The following TRAPPC8 variants were observed in gnomAD, a reference collection of about 807,000 sequenced individuals.
The protein encoded by TRAPPC8 is general sporulation gene 1 homolog.
TRAPPC8 carries 54 observed loss-of-function variants against 174.3 expected under a neutral mutation model. That is an observed-to-expected ratio of 0.31 (90% confidence interval 0.25 to 0.39). The LOEUF is 0.39. TRAPPC8 is among the 10% of genes least tolerant of loss of function. The pLI is 1.00. For missense variants in TRAPPC8, 1,531 were observed against 1,699.1 expected (o/e 0.90, Z 1.74); for synonymous variants, 630 against 579.9 (o/e 1.09, Z -1.24).
chr18:31,909,461 A>G (rs1336607113), intron 6 of TRAPPC8: 3 of 611,458 alleles, frequency 4.9e-6, no homozygotes, highest in East Asian at 2.8e-4. Context: ...AAAGAAATCT[A>G]TACACTACTC....
At chr18:31,922,473 G>A (rs756364267) in intron 2 of TRAPPC8, among the ~76,000 whole-genome samples, 9 of 151,898 alleles carry the variant, frequency 5.9e-5, no homozygotes, top group South Asian at 2.1e-4. Context: ...AGGCTGTAGC[G>A]CTGGCTACTC....
intron 26 of TRAPPC8, 105 bp downstream of exon 26, chr18:31,846,611 G>A: frequency 1.2e-6 from 1 of 867,194 alleles, no homozygotes; most frequent in Non-Finnish European, 1.8e-6. Context: ...AACAAAACCT[G>A]AACAAACCAG....
intron 2 of TRAPPC8, among the ~76,000 whole-genome samples, chr18:31,920,373 G>A (rs1292517417): frequency 6.6e-6 from 1 of 152,132 alleles, no homozygotes; most frequent in Admixed American, 6.6e-5. Context: ...GAAAACTGAT[G>A]AACAACAGTT....
In TRAPPC8 at chr18:31,890,797, T is replaced by C; in HGVS notation, c.1666A>G (p.Met556Val). 4 of 1,612,722 alleles carry C rather than the reference T, an allele frequency of 2.5e-6. No individual in the cohort carries two copies. The highest frequency in any genetic ancestry group is 3.4e-6 in the Non-Finnish European group (4 of 1,179,120). ...AHCFINMKSPMVRKYAFHMIL... is the reference protein window; with the variant it reads ...AHCFINMKSPVVRKYAFHMIL... ...ATATGAAATGCATATTTTCTAACCATGGGACTTTTCATGTTTATAAAGCAA... is the reference window on the plus strand; with the variant it reads ...ATATGAAATGCATATTTTCTAACCACGGGACTTTTCATGTTTATAAAGCAA... Residue 556 changes from methionine (M) to valine (V), a missense_variant, in exon 12 of 29, where the codon ATG (methionine) becomes GTG (valine). Met to Val is a conservative substitution (Grantham distance 21). Transcript: ENST00000283351.
Position 31,830,673 on chromosome 18 carries a change from A to AAG in TRAPPC8, c.*80_*81dup. On this transcript the variant is annotated 3_prime_UTR_variant, in exon 29 of 29. Coordinates refer to ENST00000283351, the MANE Select transcript of TRAPPC8 (RefSeq NM_014939.5). Reference sequence around the variant, plus strand: ...TCAGATATCAATCAACCTCCATAACAAGTTAGGTATATCAAATACTGCTGT... The same window carrying AAG: ...TCAGATATCAATCAACCTCCATAACAAGAGTTAGGTATATCAAATACTGCTGT... The AAG allele has an allele frequency of 8.5e-7, 1 of 1,173,004 alleles. No individual in the cohort carries two copies. Among genetic ancestry groups the AAG allele is most frequent in the Non-Finnish European group, 1.2e-6 (1 of 832,516 alleles). The allele number at this position is 1,173,004 out of a possible 1,614,324, so 72.7% of individuals were successfully genotyped here. A position where few individuals can be genotyped will look rare whatever the true frequency, so the allele number is the denominator to read the frequency against.
rs182213179 is a variant in TRAPPC8, at chr18:31,891,146, T to C, written c.1597-280A>G. The C allele has an allele frequency of 2.1e-3, 355 of 169,420 alleles. 3 individuals are homozygous for C. Among genetic ancestry groups the C allele is most frequent in the Non-Finnish European group, 2.3e-3 (186 of 79,672 alleles). The allele number at this position is 169,420 out of a possible 1,614,324, so 10.5% of individuals were successfully genotyped here. A position where few individuals can be genotyped will look rare whatever the true frequency, so the allele number is the denominator to read the frequency against. ...TGCCATGTACCAAATCTGTGAATAA[T>C]TGCAATCCTTTCTCAAATGGCAAAA... On this transcript the variant is annotated intron_variant, in intron 11 of 28. Transcript: ENST00000283351.
intron 26 of TRAPPC8, among the ~76,000 whole-genome samples, chr18:31,840,905 T>C (rs1424969445): frequency 1.3e-5 from 2 of 150,488 alleles, no homozygotes; most frequent in African/African-American, 4.9e-5. Context: ...ACCCTGGGGC[T>C]ACTGGTAAAA....
chr18:31,850,632 T>C (rs1013907096), intron 24 of TRAPPC8, among the ~76,000 whole-genome samples: 4 of 152,216 alleles, frequency 2.6e-5, no homozygotes, highest in Admixed American at 1.3e-4. Flanking sequence ...ATGTAGATGT[T>C]AAACTTCAAG....
chr18:31,882,119 A>G (rs902656089), intron 12 of TRAPPC8, among the ~76,000 whole-genome samples: 6 of 152,294 alleles, frequency 3.9e-5, no homozygotes, highest in South Asian at 2.1e-4. Flanking sequence ...CCCAAAGAAA[A>G]GTAAATTGTT....
At chr18:31,893,984 A>G (rs1011582391) in intron 11 of TRAPPC8, among the ~76,000 whole-genome samples, 3 of 152,210 alleles carry the variant, frequency 2.0e-5, no homozygotes, top group African/African-American at 7.2e-5. Flanking sequence ...TGGTTTGCAA[A>G]TGATTCTAAC....
chr18:31,932,746 T>C (rs574114430), intron 1 of TRAPPC8, among the ~76,000 whole-genome samples: 70 of 148,438 alleles, frequency 4.7e-4, no homozygotes, highest in African/African-American at 1.5e-3. Context: ...CTTTAGTAGG[T>C]AGAGGTGGGT....
chr18:31,903,939 G>A (rs1035184904), intron 9 of TRAPPC8, among the ~76,000 whole-genome samples: 1 of 151,516 alleles, frequency 6.6e-6, no homozygotes, highest in Non-Finnish European at 1.5e-5. Flanking sequence ...GGTGGTTAAA[G>A]GATTTAGAAA....
Position 31,942,624 on chromosome 18 carries a change from G to C in TRAPPC8, c.141C>G (p.Ser47=). 6.2e-7 allele frequency: 1 copy of C among 1,606,656 alleles called. No homozygotes were observed. The highest frequency in any genetic ancestry group is 1.3e-5 in the African/African-American group (1 of 74,708). Residue 47 remains serine, a synonymous_variant, in exon 1 of 29, where the codon TCC becomes TCG. Transcript: ENST00000283351. ...LSFAELLKPF[S]RLTSEVHMRD... The stretch of plus-strand genomic sequence containing the variant: ...ACCACATACCCTCGGAAGTGAGGCG[G>C]GAGAAGGGCTTAAGCAGCTCCGCGA...
chr18:31,833,132 A>C (rs2032477520), intron 27 of TRAPPC8: 1 of 152,220 alleles, frequency 6.6e-6, no homozygotes, highest in Admixed American at 6.5e-5. Context: ...GAAGGGCAAC[A>C]AAGACTACTG....
At position 31,860,800 on chromosome 18, in the gene TRAPPC8, C is replaced by T. The variant is rs183409020; in HGVS notation, c.2746-2818G>A. On this transcript the variant is annotated intron_variant, in intron 19 of 28. Transcript: ENST00000283351. ...ACTGAGTGATGTTTATGGAACTGAA[C>T]ATCAGTGGCTTTAGGCTTTCTGTAA... Among the ~76,000 whole-genome samples, 157 of 152,296 alleles carry T rather than the reference C, an allele frequency of 1.0e-3. 1 individual carries two copies. Among genetic ancestry groups the T allele is most frequent in the African/African-American group, 3.7e-3 (153 of 41,572 alleles).
At position 31,830,790 on chromosome 18, in the gene TRAPPC8, A is replaced by G; in HGVS notation, c.4273T>C (p.Ser1425Pro). 1.2e-6 allele frequency: 2 copies of G among 1,614,188 alleles called. No homozygotes were observed. The highest frequency in any genetic ancestry group is 1.3e-5 in the African/African-American group (1 of 75,062). ...CTGATGATGATCAGGGCAGGCATGG[A>G]ATTCTGCTGACTTGTTTCAAACACT... ...VTVFETSQQN[S>P]MPALIIISNV The change falls in exon 29 of 29, where the codon TCC becomes CCC. Residue 1425 changes from serine (S) to proline (P), a missense_variant. Ser to Pro is a moderately conservative substitution (Grantham distance 74). Coordinates refer to ENST00000283351, the MANE Select transcript of TRAPPC8 (RefSeq NM_014939.5).
At chr18:31,919,076 C>G (rs981798988) in intron 2 of TRAPPC8, among the ~76,000 whole-genome samples, 4 of 152,148 alleles carry the variant, frequency 2.6e-5, no homozygotes, top group East Asian at 1.9e-4. Flanking sequence ...AGCATTCTAA[C>G]CTGGTGCCAA....
At chr18:31,878,712 A>G (rs1472688397) in intron 12 of TRAPPC8, among the ~76,000 whole-genome samples, 1 of 152,214 alleles carries the variant, frequency 6.6e-6, no homozygotes, top group African/African-American at 2.4e-5. Flanking sequence ...ATCCAAGCAT[A>G]TGCTATCTAC....
At chr18:31,863,315 T>C (rs1451296152) in intron 19 of TRAPPC8, among the ~76,000 whole-genome samples, 1 of 152,200 alleles carries the variant, frequency 6.6e-6, no homozygotes, top group African/African-American at 2.4e-5. Flanking sequence ...TTTTGTAGTG[T>C]ATTGCGAAAT....
Sources: gnomAD v4.1 joint callset for allele counts (sites outside exome capture counted in the v4.1 genomes callset) on GRCh38, gnomAD v4.1.1 for gene constraint, MANE v1.5 for transcripts, NCBI Gene and HGNC (gene_info 2026-07-23, HGNC 2026-07-21) for gene names.